CDC14A: variants seen among roughly 807,000 people sequenced by gnomAD.
CDC14A encodes the protein cell division cycle 14A.
Under a neutral mutation model 74.4 loss-of-function variants are expected in CDC14A, and 53 were observed. The ratio of observed to expected loss-of-function variants is 0.71; its 90% CI spans 0.57 to 0.89. The LOEUF is 0.89. CDC14A is among the 40% of genes least tolerant of loss of function. CDC14A has a pLI of 0.00. For missense variants in CDC14A, 646 were observed against 713.7 expected (o/e 0.91, Z 1.08); for synonymous variants, 247 against 258.4 (o/e 0.96, Z 0.43).
At chr1:100,454,793 G>C (rs2101179649) in intron 7 of CDC14A, among the ~76,000 whole-genome samples, 1 of 152,248 alleles carries the variant, frequency 6.6e-6, no homozygotes, top group South Asian at 2.1e-4. Context: ...TAGCTGGAGT[G>C]GAGGAGCACC....
intron 15 of CDC14A, among the ~76,000 whole-genome samples, chr1:100,517,450 T>C (rs1373922397): frequency 6.6e-6 from 1 of 152,196 alleles, no homozygotes; most frequent in Non-Finnish European, 1.5e-5. Flanking sequence ...TTTAGATTGA[T>C]TTATGTTCCT....
upstream of CDC14A, among the ~76,000 whole-genome samples, chr1:100,351,138 G>A (rs780050262): frequency 6.6e-6 from 1 of 152,044 alleles, no homozygotes; most frequent in Non-Finnish European, 1.5e-5. Context: ...AGATTGCAGT[G>A]AGCAGAGATT....
At chr1:100,397,186 G>A (rs1398501998) in intron 4 of CDC14A, among the ~76,000 whole-genome samples, 2 of 152,120 alleles carry the variant, frequency 1.3e-5, no homozygotes. Flanking sequence ...TAAAGCCAGG[G>A]TTGCTGGAAT....
intron 4 of CDC14A, among the ~76,000 whole-genome samples, chr1:100,398,116 A>G (rs537239099): frequency 3.9e-5 from 6 of 152,186 alleles, no homozygotes; most frequent in Non-Finnish European, 8.8e-5. Context: ...AATAGGCATA[A>G]TAATACCCTA....
chr1:100,448,024 C>T (rs375849791), intron 7 of CDC14A, among the ~76,000 whole-genome samples: 1 of 152,148 alleles, frequency 6.6e-6, no homozygotes, highest in Non-Finnish European at 1.5e-5. Context: ...AAGTGTGATG[C>T]GGTAGCAGTG....
At chr1:100,448,844 T>C (rs1665828348) in intron 7 of CDC14A, among the ~76,000 whole-genome samples, 1 of 152,246 alleles carries the variant, frequency 6.6e-6, no homozygotes, top group Non-Finnish European at 1.5e-5. Context: ...TTTTTTGTTT[T>C]TTAGGAGGCT....
intron 7 of CDC14A, among the ~76,000 whole-genome samples, chr1:100,454,414 T>A (rs567856271): frequency 1.3e-5 from 2 of 152,114 alleles, no homozygotes; most frequent in Admixed American, 1.3e-4. Context: ...GTGATATATA[T>A]ATTTTGTGAT....
chr1:100,412,696 T>TTTTA (rs1460131157), intron 4 of CDC14A, among the ~76,000 whole-genome samples: 4 of 74,138 alleles, frequency 5.4e-5, no homozygotes, highest in East Asian at 3.8e-4. Flanking sequence ...CCTGTATGTT[T>TTTTA]TATATATATA....
upstream of CDC14A, among the ~76,000 whole-genome samples, chr1:100,352,001 T>C (rs1016054337): frequency 3.3e-4 from 44 of 133,912 alleles, no homozygotes; most frequent in Middle Eastern, 3.6e-3. Flanking sequence ...TGTGTGTGTG[T>C]GTGCGCGCGC....
rs771880229 is a variant in CDC14A at position 100,462,881 on chromosome 1, G to A, written c.838G>A (p.Ala280Thr). 2 of 1,612,894 alleles carry A rather than the reference G, an allele frequency of 1.2e-6. No homozygotes were observed. The highest frequency in any genetic ancestry group is 1.7e-6 in the Non-Finnish European group (2 of 1,179,142). ...TEGAIAVHCK[A>T]GLGRTGTLIA... ...AGGGGCCATCGCCGTTCACTGCAAA[G>A]GTGTGTGCAAGGCCTCGGTGGTGGT... The change falls in exon 9 of 16, where the codon GCT (alanine) becomes ACT (threonine). Residue 280 changes from alanine (A) to threonine (T), a missense_variant and splice_region_variant. Transcript: ENST00000336454.
upstream of CDC14A, among the ~76,000 whole-genome samples, chr1:100,348,564 G>A (rs1196447666): frequency 6.6e-6 from 1 of 152,144 alleles, no homozygotes; most frequent in African/African-American, 2.4e-5. Context: ...CACTTAGTAA[G>A]CAATTGGACA....
chr1:100,435,005 C>CAA (rs1344585105), intron 5 of CDC14A, among the ~76,000 whole-genome samples: 1 of 152,200 alleles, frequency 6.6e-6, no homozygotes, highest in Non-Finnish European at 1.5e-5. Flanking sequence ...TGCAAATTCT[C>CAA]AGGCCCTGCC....
At chr1:100,349,580 AT>A (rs941418640), upstream of CDC14A, among the ~76,000 whole-genome samples, 2 of 152,164 alleles carry the variant, frequency 1.3e-5, no homozygotes, top group African/African-American at 4.8e-5. Context: ...TTCTTGTAGA[AT>A]TTTCTATACC....
intron 7 of CDC14A, among the ~76,000 whole-genome samples, chr1:100,450,435 T>C (rs1666018678): frequency 6.6e-6 from 1 of 152,228 alleles, no homozygotes; most frequent in Non-Finnish European, 1.5e-5. Flanking sequence ...GGGACTGCCA[T>C]AGGACTGGGG....
chr1:100,380,057 T>C (rs779023558), intron 3 of CDC14A, among the ~76,000 whole-genome samples: 3 of 152,166 alleles, frequency 2.0e-5, no homozygotes, highest in Non-Finnish European at 4.4e-5. Context: ...GTAAAAGCTT[T>C]GTACATTTTA....
At chr1:100,349,878 T>TG (rs1650774670), upstream of CDC14A, among the ~76,000 whole-genome samples, 1 of 151,968 alleles carries the variant, frequency 6.6e-6, no homozygotes, top group South Asian at 2.1e-4. Context: ...TGGAGTGCCG[T>TG]GGCACTATCT....
At chr1:100,499,315 G>A in intron 15 of CDC14A, 53 bp downstream of exon 15, 1 of 1,614,106 alleles carries the variant, frequency 6.2e-7, no homozygotes, top group East Asian at 2.2e-5. Context: ...TGCAACTTCT[G>A]TGCCTTGCCT....
At chr1:100,382,413 G>GTTTTTTT (rs1557699718) in intron 3 of CDC14A, among the ~76,000 whole-genome samples, 14 of 119,438 alleles carry the variant, frequency 1.2e-4, no homozygotes, top group Non-Finnish European at 1.2e-4. Context: ...TTTTTTTTTA[G>GTTTTTTT]TTTTTGTAGA....
intron 10 of CDC14A, among the ~76,000 whole-genome samples, chr1:100,478,217 T>G (rs1161576938): frequency 1.3e-5 from 2 of 152,176 alleles, no homozygotes; most frequent in Non-Finnish European, 2.9e-5. Context: ...AAAATACATC[T>G]TTTTGTTTTT....
Sources: gnomAD v4.1 joint callset for allele counts (sites outside exome capture counted in the v4.1 genomes callset) on GRCh38, gnomAD v4.1.1 for gene constraint, MANE v1.5 for transcripts, NCBI Gene and HGNC (gene_info 2026-07-23, HGNC 2026-07-21) for gene names.